Variants in FHAD1 observed in about 807,000 individuals in gnomAD.
FHAD1 encodes the protein forkhead-associated domain-containing protein 1.
A neutral mutation model predicts 191.3 loss-of-function variants in FHAD1; 146 were observed. The ratio of observed to expected loss-of-function variants is 0.76; its 90% CI spans 0.67 to 0.88. The LOEUF (loss-of-function observed/expected upper bound fraction) is 0.88, where lower values mean the gene tolerates loss of function less well. Ranked by LOEUF, FHAD1 falls within the 40% of genes least tolerant of loss-of-function variation. The pLI is 0.00. For synonymous variants in FHAD1, 616 were observed against 672.3 expected (o/e 0.92, Z 1.29); for missense variants, 1,635 against 1,785.8 (o/e 0.92, Z 1.52).
intron 19 of FHAD1, among the ~76,000 whole-genome samples, chr1:15,352,158 G>C (rs1380780246): frequency 2.6e-5 from 4 of 152,084 alleles, no homozygotes; most frequent in Non-Finnish European, 4.4e-5. Flanking sequence ...ATACCCCTCT[G>C]GTCTTTTGTT....
chr1:15,330,425 G>A (rs1392154684), intron 14 of FHAD1, among the ~76,000 whole-genome samples: 2 of 151,662 alleles, frequency 1.3e-5, no homozygotes, highest in Non-Finnish European at 2.9e-5. Context: ...ATGGGTATAT[G>A]GTTCACTGTA....
At chr1:15,383,010 A>G in intron 31 of FHAD1, 1 of 450,366 alleles carries the variant, frequency 2.2e-6, no homozygotes, top group Non-Finnish European at 4.7e-6. Context: ...CACCACACAC[A>G]CACACGCGCA....
intron 4 of FHAD1, among the ~76,000 whole-genome samples, chr1:15,293,312 A>G (rs1665543552): frequency 6.6e-6 from 1 of 151,592 alleles, no homozygotes; most frequent in African/African-American, 2.4e-5. Flanking sequence ...TGGATTAGAG[A>G]CTCCTGTTCT....
chr1:15,377,790 T>C (rs373082743), intron 28 of FHAD1, among the ~76,000 whole-genome samples: 3 of 151,648 alleles, frequency 2.0e-5, no homozygotes, highest in South Asian at 4.2e-4. Flanking sequence ...CAAGATCACA[T>C]GATTGCACTC....
At chr1:15,397,207 A>G (rs1706311926) in intron 33 of FHAD1, 90 bp from the exon 34 acceptor site, 1 of 601,036 alleles carries the variant, frequency 1.7e-6, no homozygotes, top group African/African-American at 1.9e-5. Context: ...AAAAAATTAA[A>G]TAAAATAAAA....
intron 3 of FHAD1, among the ~76,000 whole-genome samples, chr1:15,281,535 G>A (rs2100276923): frequency 6.6e-6 from 1 of 152,136 alleles, no homozygotes; most frequent in South Asian, 2.1e-4. Flanking sequence ...CAAGGTGGGT[G>A]GATCACTTGG....
rs1022421106 is a variant in FHAD1, at chr1:15,325,710, G to A, written c.1473+1151G>A. 2.0e-5 allele frequency: 3 copies of A among 152,422 alleles called. No homozygotes were observed. Among genetic ancestry groups the A allele is most frequent in the African/African-American group, 4.8e-5 (2 of 41,452 alleles). The allele number at this position is 152,422 out of a possible 1,614,324, so 9.4% of individuals were successfully genotyped here. A position where few individuals can be genotyped will look rare whatever the true frequency, so the allele number is the denominator to read the frequency against. ...CCGTGCTCCTTGCCCAAGGGCCAAG[G>A]TTCTTGTTATAGCTCTGGGCAGAGG... is the stretch of plus-strand genomic sequence containing the variant. On this transcript the variant is annotated intron_variant, in intron 11 of 33. Coordinates refer to ENST00000688493, the MANE Select transcript of FHAD1 (RefSeq NM_001391957.1). The surrounding 1 kb of genome is among the most constrained non-coding windows in gnomAD (Gnocchi z 4.6).
intron 33 of FHAD1, among the ~76,000 whole-genome samples, chr1:15,392,630 T>C (rs1365815606): frequency 6.6e-6 from 1 of 152,222 alleles, no homozygotes; most frequent in Non-Finnish European, 1.5e-5. Flanking sequence ...GGAGTCATCA[T>C]GACCACCCTG....
chr1:15,356,906 C>T (rs72643649), intron 20 of FHAD1, among the ~76,000 whole-genome samples: 1,942 of 151,946 alleles, frequency 0.013, 18 homozygotes, highest in Non-Finnish European at 0.02. Flanking sequence ...TTTCATGTTG[C>T]GTAGAATGTC....
chr1:15,315,993 G>A (rs1247614568), intron 8 of FHAD1, among the ~76,000 whole-genome samples: 1 of 152,200 alleles, frequency 6.6e-6, no homozygotes, highest in Non-Finnish European at 1.5e-5. Context: ...CCGCTCCCAG[G>A]GCAGTGGTGT....
chr1:15,248,140 T>C (rs1265828097), intron 1 of FHAD1, among the ~76,000 whole-genome samples: 1 of 152,076 alleles, frequency 6.6e-6, no homozygotes, highest in Non-Finnish European at 1.5e-5. Flanking sequence ...TAGGCTACCC[T>C]GACTTACTTT....
At chr1:15,241,694 C>G (rs1383587262) in intron 1 of FHAD1, among the ~76,000 whole-genome samples, 1 of 151,408 alleles carries the variant, frequency 6.6e-6, no homozygotes, top group African/African-American at 2.4e-5. Context: ...AAACCCAGAA[C>G]GAATCTATGA....
At chr1:15,338,144 C>T (rs1374188038) in intron 14 of FHAD1, among the ~76,000 whole-genome samples, 3 of 152,196 alleles carry the variant, frequency 2.0e-5, no homozygotes, top group African/African-American at 7.2e-5. Context: ...CCACCACCCC[C>T]ACATCCCGGT....
At chr1:15,332,222 T>G (rs1228029945) in intron 14 of FHAD1, among the ~76,000 whole-genome samples, 2 of 152,180 alleles carry the variant, frequency 1.3e-5, no homozygotes, top group Admixed American at 1.3e-4. Context: ...AGTCGTGAGC[T>G]TACTTGAAAT....
chr1:15,272,240 C>A, intron 2 of FHAD1, 83 bp from the exon 3 acceptor site: 1 of 1,297,922 alleles, frequency 7.7e-7, no homozygotes, highest in Non-Finnish European at 1.1e-6. Flanking sequence ...GGCGGCAAAA[C>A]AGGTAAGGCA....
intron 1 of FHAD1, among the ~76,000 whole-genome samples, chr1:15,238,826 C>G (rs1451773754): frequency 2.6e-5 from 4 of 152,224 alleles, no homozygotes; most frequent in African/African-American, 9.7e-5. Flanking sequence ...CCAGACACAT[C>G]AAAGCTTCCT....
At position 15,381,815 on chromosome 1, in the gene FHAD1, A is replaced by C. The variant is rs973940767; in HGVS notation, c.4023-213A>C. On this transcript the variant is annotated intron_variant, in intron 30 of 33. Transcript: ENST00000688493. The surrounding 1 kb of genome is among the most constrained non-coding windows in gnomAD (Gnocchi z 4.6). ...GGAAGTCAGGAGGGGCTGGTAGCACATCCTTTATCCCCTCCCGCTACACAC... is the reference window on the plus strand; with the variant it reads ...GGAAGTCAGGAGGGGCTGGTAGCACCTCCTTTATCCCCTCCCGCTACACAC... Among the ~76,000 whole-genome samples, 1 of 151,802 alleles carries C rather than the reference A, an allele frequency of 6.6e-6. No homozygotes were observed. The highest frequency in any genetic ancestry group is 1.5e-5 in the Non-Finnish European group (1 of 67,988).
At position 15,301,397 on chromosome 1, in the gene FHAD1, G is replaced by A. The variant is rs1181370866; in HGVS notation, c.871G>A (p.Asp291Asn). Residue 291 changes from aspartate to asparagine, a missense_variant, in exon 6 of 34, where the codon GAC (aspartate) becomes AAC (asparagine). Coordinates refer to ENST00000688493, the MANE Select transcript of FHAD1 (RefSeq NM_001391957.1). ...ISQKCQVLDE[D>N]IDAKQKEIQS... ...GCAGAAGTGTCAGGTTCTGGATGAAGACATCGATGCCAAACAGAAAGAGAT... is the reference window on the plus strand; with the variant it reads ...GCAGAAGTGTCAGGTTCTGGATGAAAACATCGATGCCAAACAGAAAGAGAT... 1 of 1,551,790 alleles carries A rather than the reference G, an allele frequency of 6.4e-7. No individual in the cohort carries two copies. The highest frequency in any genetic ancestry group is 2.4e-5 in the East Asian group (1 of 40,920).
intron 6 of FHAD1, among the ~76,000 whole-genome samples, chr1:15,304,043 C>A (rs1336398854): frequency 1.3e-5 from 2 of 152,180 alleles, no homozygotes; most frequent in Non-Finnish European, 2.9e-5. Flanking sequence ...CTATTGCCAA[C>A]AGAACATTCA....
Sources: allele counts gnomAD v4.1 joint callset (sites outside exome capture counted in the v4.1 genomes callset), GRCh38; gene constraint gnomAD v4.1.1; non-coding constraint Gnocchi (gnomAD v3.1); transcripts MANE v1.5; gene names NCBI Gene and HGNC (gene_info 2026-07-23, HGNC 2026-07-21).